Variants in LRTM1 observed in about 807,000 individuals in gnomAD.
The protein encoded by LRTM1 is leucine-rich repeat and transmembrane domain-containing protein 1.
A neutral mutation model predicts 32.4 loss-of-function variants in LRTM1; 38 were observed. The ratio of observed to expected loss-of-function variants is 1.17; its 90% CI spans 0.91 to 1.54. LRTM1 has a LOEUF of 1.54. Among genes scored for constraint, LRTM1 ranks in the 40% most tolerant of loss-of-function variants. The pLI is 0.00. For synonymous variants in LRTM1, 186 were observed against 169.9 expected (o/e 1.09, Z -0.74); for missense variants, 466 against 415.4 (o/e 1.12, Z -1.06).
At position 54,924,881 on chromosome 3, in the gene LRTM1, T is replaced by C; in HGVS notation, c.342A>G (p.Glu114=). The change falls in exon 2 of 3, where the codon GAA becomes GAG. Residue 114 remains glutamate (E), a synonymous_variant. Transcript: ENST00000273286. The part of the protein sequence containing the change: ...NLTQNSLLSL[E]SRLFHSLPQL... The stretch of plus-strand genomic sequence containing the variant: ...GAGGGAGGGAATGGAAAAGTCTGCT[T>C]TCCAGGGAAAGGAGTGAATTCTGGG... 1.2e-6 allele frequency: 2 copies of C among 1,613,810 alleles called. No individual in the cohort carries two copies. Among genetic ancestry groups the C allele is most frequent in the Non-Finnish European group, 1.7e-6 (2 of 1,179,734 alleles).
chr3:54,966,251 G>A (rs1006384225), intron 1 of LRTM1, among the ~76,000 whole-genome samples: 3 of 152,146 alleles, frequency 2.0e-5, no homozygotes, highest in Admixed American at 6.5e-5. Flanking sequence ...ACCCTGGAGT[G>A]ACTCTTTCAG....
chr3:54,935,411 T>A (rs923395439), intron 1 of LRTM1, among the ~76,000 whole-genome samples: 1 of 152,134 alleles, frequency 6.6e-6, no homozygotes, highest in South Asian at 2.1e-4. Flanking sequence ...AGTGAGCTCA[T>A]GCGGCTGGTG....
intron 1 of LRTM1, among the ~76,000 whole-genome samples, chr3:54,927,057 A>G (rs1452690697): frequency 6.6e-6 from 1 of 152,242 alleles, no homozygotes; most frequent in Non-Finnish European, 1.5e-5. Context: ...CCACACAGTA[A>G]TATCCAAAAC....
intron 2 of LRTM1, among the ~76,000 whole-genome samples, chr3:54,920,279 G>A (rs1446038481): frequency 6.6e-6 from 1 of 152,164 alleles, no homozygotes; most frequent in Non-Finnish European, 1.5e-5. Flanking sequence ...GTCATAAGTG[G>A]CCCTGTAAGT....
At chr3:54,964,489 C>G (rs1287597809) in intron 1 of LRTM1, among the ~76,000 whole-genome samples, 1 of 151,940 alleles carries the variant, frequency 6.6e-6, no homozygotes, top group African/African-American at 2.4e-5. Context: ...ATTAAATTAG[C>G]AAGACTGACT....
chr3:54,928,081 A>G (rs1701078775), upstream of LRTM1: 2 of 645,730 alleles, frequency 3.1e-6, no homozygotes, highest in Non-Finnish European at 5.5e-6. Flanking sequence ...TCAAAAGACC[A>G]TTTATTTAAG....
At chr3:54,961,593 A>G (rs565606358) in intron 1 of LRTM1, among the ~76,000 whole-genome samples, 3 of 152,160 alleles carry the variant, frequency 2.0e-5, no homozygotes, top group Admixed American at 1.3e-4. Flanking sequence ...TGAAATGGTA[A>G]TTGTCCACAT....
intron 1 of LRTM1, among the ~76,000 whole-genome samples, chr3:54,959,750 A>G (rs754912808): frequency 6.6e-6 from 1 of 152,228 alleles, no homozygotes; most frequent in Non-Finnish European, 1.5e-5. Flanking sequence ...AATTGACTCT[A>G]AAAATGTATT....
At chr3:54,942,518 T>C (rs1701498827) in intron 1 of LRTM1, among the ~76,000 whole-genome samples, 1 of 152,196 alleles carries the variant, frequency 6.6e-6, no homozygotes, top group Non-Finnish European at 1.5e-5. Flanking sequence ...TATTTCTAAG[T>C]AACTTGGTTT....
chr3:54,943,899 T>C (rs902678119), intron 1 of LRTM1, among the ~76,000 whole-genome samples: 1 of 152,220 alleles, frequency 6.6e-6, no homozygotes, highest in Non-Finnish European at 1.5e-5. Flanking sequence ...ATTTCTCATT[T>C]AGGTGATGAA....
chr3:54,919,971 C>T (rs2360661), intron 2 of LRTM1, among the ~76,000 whole-genome samples: 90,109 of 152,022 alleles, frequency 0.59, 26,991 homozygotes, highest in East Asian at 0.76. Flanking sequence ...GGATGGCCCT[C>T]GGCACTGTCT....
At chr3:54,955,035 A>G (rs1276169199) in intron 1 of LRTM1, among the ~76,000 whole-genome samples, 1 of 152,232 alleles carries the variant, frequency 6.6e-6, no homozygotes, top group African/African-American at 2.4e-5. Flanking sequence ...CACCCTCTGA[A>G]GGTTTGCTGA....
At chr3:54,931,621 A>G (rs1254909397), upstream of LRTM1, among the ~76,000 whole-genome samples, 1 of 152,220 alleles carries the variant, frequency 6.6e-6, no homozygotes, top group Non-Finnish European at 1.5e-5. Context: ...CCAGGACCCC[A>G]GGTTCCCACA....
At chr3:54,930,506 C>T (rs766868770), upstream of LRTM1, among the ~76,000 whole-genome samples, 158 of 152,322 alleles carry the variant, frequency 1.0e-3, no homozygotes, top group Non-Finnish European at 1.7e-3. Context: ...ATCCAGATAT[C>T]TTAGACTTGG....
chr3:54,927,747 C>T (rs1292942355), intron 1 of LRTM1, among the ~76,000 whole-genome samples, 158 bp downstream of exon 1: 10 of 152,152 alleles, frequency 6.6e-5, no homozygotes, highest in Admixed American at 6.5e-4. Context: ...ACCCAACATG[C>T]GCAAACATAA....
chr3:54,939,099 T>C (rs1701396172), intron 1 of LRTM1, among the ~76,000 whole-genome samples: 1 of 152,226 alleles, frequency 6.6e-6, no homozygotes, highest in Non-Finnish European at 1.5e-5. Context: ...GCTTTTCCTC[T>C]GTCTAGATAT....
intron 1 of LRTM1, among the ~76,000 whole-genome samples, chr3:54,946,584 T>C (rs1701620242): frequency 6.6e-6 from 1 of 152,146 alleles, no homozygotes; most frequent in Admixed American, 6.5e-5. Flanking sequence ...GAAGAGCAGG[T>C]TACTTTCACC....
At chr3:54,954,205 G>A (rs1295803838) in intron 1 of LRTM1, among the ~76,000 whole-genome samples, 1 of 152,150 alleles carries the variant, frequency 6.6e-6, no homozygotes, top group Non-Finnish European at 1.5e-5. Context: ...CCAGGCACAG[G>A]TCAGTGCTAT....
chr3:54,944,259 A>G (rs1403804536), intron 1 of LRTM1, among the ~76,000 whole-genome samples: 2 of 152,014 alleles, frequency 1.3e-5, no homozygotes, highest in Non-Finnish European at 2.9e-5. Flanking sequence ...CATATCCTTC[A>G]GTTCTAGGAA....
Sources: gnomAD v4.1 joint callset for allele counts (sites outside exome capture counted in the v4.1 genomes callset) on GRCh38, gnomAD v4.1.1 for gene constraint, MANE v1.5 for transcripts, NCBI Gene and HGNC (gene_info 2026-07-23, HGNC 2026-07-21) for gene names.